The following FOXP1 variants were observed in gnomAD, a reference collection of about 807,000 sequenced individuals.
FOXP1 encodes the protein forkhead box protein P1.
In FOXP1, 15 loss-of-function variants were observed where a neutral mutation model predicts 98.2. The observed-to-expected ratio is 0.15, with a 90% CI of 0.10 to 0.24. The LOEUF is 0.24. Among genes scored for constraint, FOXP1 ranks in the 10% least tolerant of loss-of-function variants. The pLI is 1.00. For synonymous variants in FOXP1, 371 were observed against 314.5 expected (o/e 1.18, Z -1.90); for missense variants, 633 against 848.5 (o/e 0.75, Z 3.15).
chr3:71,258,815 T>C (rs900722058), intron 5 of FOXP1, among the ~76,000 whole-genome samples: 4 of 152,166 alleles, frequency 2.6e-5, no homozygotes, highest in African/African-American at 9.7e-5. Context: ...AAGTCAATGT[T>C]GACCGCAGAG....
chr3:71,208,808 T>C (rs1222048550), intron 5 of FOXP1, among the ~76,000 whole-genome samples: 1 of 152,036 alleles, frequency 6.6e-6, no homozygotes, highest in Non-Finnish European at 1.5e-5. Flanking sequence ...AGGCCACTCT[T>C]TGAGAATCAA....
At chr3:71,345,711 G>C (rs1355664319) in intron 4 of FOXP1, among the ~76,000 whole-genome samples, 1 of 151,918 alleles carries the variant, frequency 6.6e-6, no homozygotes, top group Non-Finnish European at 1.5e-5. Context: ...TTTTGCTGTT[G>C]TATTTCCTTT....
chr3:71,436,165 A>G lies in FOXP1; in HGVS notation c.-168+57261T>C, dbSNP rs1166857179. ...ACATATTTCCCAAACTGTTCCTGGT[A>G]TGGGCTCTTCAGGTCATCAAAAGGC... On this transcript the variant is annotated intron_variant, in intron 3 of 20. Transcript: ENST00000649528. Among the ~76,000 whole-genome samples the G allele has an allele frequency of 2.6e-5, 4 of 151,904 alleles. No individual in the cohort carries two copies. In the East Asian group the frequency reaches 7.7e-4, roughly 29 times the overall value.
intron 4 of FOXP1, among the ~76,000 whole-genome samples, chr3:71,358,772 C>A (rs1006441181): frequency 6.6e-6 from 1 of 152,120 alleles, no homozygotes; most frequent in African/African-American, 2.4e-5. Context: ...CTCACTGGAG[C>A]ACAGTGACAC....
chr3:71,491,804 T>A (rs977794952), intron 3 of FOXP1, among the ~76,000 whole-genome samples: 2 of 152,210 alleles, frequency 1.3e-5, no homozygotes, highest in Non-Finnish European at 2.9e-5. Context: ...TATTTTTTAA[T>A]GTATACAAGG....
intron 6 of FOXP1, among the ~76,000 whole-genome samples, chr3:71,129,236 T>C (rs796310863): frequency 5.1e-4 from 78 of 152,292 alleles, no homozygotes; most frequent in African/African-American, 1.7e-3. Flanking sequence ...CTGCAATTAC[T>C]CCTACTGTTA....
At chr3:71,324,382 A>G (rs1414137489) in intron 4 of FOXP1, among the ~76,000 whole-genome samples, 3 of 152,204 alleles carry the variant, frequency 2.0e-5, no homozygotes, top group Non-Finnish European at 4.4e-5. Context: ...CCCATCAATG[A>G]TAGACTGGAT....
At chr3:71,402,446 C>A (rs1009837586) in intron 3 of FOXP1, among the ~76,000 whole-genome samples, 21 of 152,142 alleles carry the variant, frequency 1.4e-4, no homozygotes, top group Admixed American at 3.9e-4. Flanking sequence ...AAAAATGAGA[C>A]CCTGTCTCAA....
chr3:71,248,740 C>CA lies in FOXP1; in HGVS notation c.-11-50349dup, dbSNP rs34053081. Among the ~76,000 whole-genome samples, 1,045 of 138,470 alleles carry CA rather than the reference C, an allele frequency of 7.5e-3. 16 individuals carry two copies. Among genetic ancestry groups the CA allele is most frequent in the African/African-American group, 0.025 (938 of 37,612 alleles). 90.8% of individuals were successfully genotyped at this position (138,470 alleles called of 152,430 possible). A position where few individuals can be genotyped will look rare whatever the true frequency, so the allele number is the denominator to read the frequency against. ...TGGGCAACAGAGCAAGACGTCATCT[C>CA]AAAAAAAAAAAAAAAAAATTCAGCA... On this transcript the variant is annotated intron_variant, in intron 5 of 20. Transcript: ENST00000649528.
intron 3 of FOXP1, among the ~76,000 whole-genome samples, chr3:71,477,610 C>T (rs1212620925): frequency 2.0e-5 from 3 of 151,940 alleles, no homozygotes; most frequent in Non-Finnish European, 4.4e-5. Flanking sequence ...CATTTCTAAC[C>T]CTTGATTTCT....
At chr3:71,098,418 A>C (rs1260070260) in intron 7 of FOXP1, among the ~76,000 whole-genome samples, 2 of 152,338 alleles carry the variant, frequency 1.3e-5, no homozygotes, top group South Asian at 4.1e-4. Flanking sequence ...ACCGCACTAC[A>C]GGAATGTTCT....
At chr3:71,548,606 C>T (rs1363379421) in intron 2 of FOXP1, among the ~76,000 whole-genome samples, 1 of 152,044 alleles carries the variant, frequency 6.6e-6, no homozygotes, top group Non-Finnish European at 1.5e-5. Flanking sequence ...ACCATGTTGC[C>T]CAGGCTGGTC....
intron 6 of FOXP1, among the ~76,000 whole-genome samples, chr3:71,164,630 A>C (rs2061317958): frequency 6.6e-6 from 1 of 152,238 alleles, no homozygotes. Context: ...ATTTTTATAG[A>C]AAGTCTATTC....
intron 2 of FOXP1, among the ~76,000 whole-genome samples, chr3:71,576,484 C>T (rs965916663): frequency 6.6e-6 from 1 of 152,186 alleles, no homozygotes; most frequent in Non-Finnish European, 1.5e-5. Context: ...AAGATATTTA[C>T]AGGGCTTGAC....
At chr3:71,157,392 G>C (rs969719424) in intron 6 of FOXP1, among the ~76,000 whole-genome samples, 4 of 152,102 alleles carry the variant, frequency 2.6e-5, no homozygotes, top group Non-Finnish European at 2.9e-5. Context: ...AAAAAGATAA[G>C]GCAGTGTGAA....
At chr3:71,320,344 C>A (rs191470988) in intron 4 of FOXP1, among the ~76,000 whole-genome samples, 2 of 152,014 alleles carry the variant, frequency 1.3e-5, no homozygotes, top group Admixed American at 6.5e-5. Context: ...CCTCTGCTTG[C>A]ACTTTTTTTG....
chr3:71,466,494 G>C (rs978512379), intron 3 of FOXP1, among the ~76,000 whole-genome samples: 1 of 152,216 alleles, frequency 6.6e-6, no homozygotes, highest in African/African-American at 2.4e-5. Flanking sequence ...TCAAACAGAA[G>C]ATTCTTGCTA....
chr3:71,413,547 C>A (rs1394617569), intron 3 of FOXP1, among the ~76,000 whole-genome samples: 1 of 152,132 alleles, frequency 6.6e-6, no homozygotes, highest in African/African-American at 2.4e-5. Flanking sequence ...GTTCAAACAT[C>A]CAGACAAGTT....
At chr3:71,554,704 GTTAGAATCC>G (rs1559525044) in intron 2 of FOXP1, among the ~76,000 whole-genome samples, 4 of 152,186 alleles carry the variant, frequency 2.6e-5, no homozygotes, top group African/African-American at 9.7e-5. Flanking sequence ...TTTTAAAAAT[GTTAGAATCC>G]AACGTAAGTG....
Sources: allele counts gnomAD v4.1 joint callset (sites outside exome capture counted in the v4.1 genomes callset), GRCh38; gene constraint gnomAD v4.1.1; transcripts MANE v1.5; gene names NCBI Gene and HGNC (gene_info 2026-07-23, HGNC 2026-07-21).